The following KL variants were observed in gnomAD, a reference collection of about 807,000 sequenced individuals.
KL encodes the protein klotho.
KL carries 62 observed loss-of-function variants against 84.2 expected under a neutral mutation model. The ratio of observed to expected loss-of-function variants is 0.74; its 90% CI spans 0.60 to 0.91. The LOEUF is 0.91. Ranked by LOEUF, KL falls within the 40% of genes least tolerant of loss-of-function variation. The pLI is 0.00. For missense variants in KL, 1,261 were observed against 1,305.7 expected (o/e 0.97, Z 0.53); for synonymous variants, 528 against 528.0 (o/e 1.00, Z 0.00).
chr13:33,060,386 G>T (rs1458335595), intron 3 of KL, among the ~76,000 whole-genome samples: 1 of 152,078 alleles, frequency 6.6e-6, no homozygotes, highest in African/African-American at 2.4e-5. Flanking sequence ...CCGACAAGTA[G>T]TGTGCAAGAC....
chr13:33,059,584 C>T (rs937744196), intron 3 of KL, among the ~76,000 whole-genome samples: 4 of 151,988 alleles, frequency 2.6e-5, no homozygotes, highest in South Asian at 2.1e-4. Flanking sequence ...GTGATTCTCC[C>T]GCCTCAGCTT....
chr13:33,024,512 C>T (rs924542747), intron 1 of KL, among the ~76,000 whole-genome samples: 5 of 152,150 alleles, frequency 3.3e-5, no homozygotes, highest in South Asian at 2.1e-4. Flanking sequence ...CTCCCTGTGC[C>T]GGACCCTGTA....
At chr13:33,024,847 C>T (rs1374105891) in intron 1 of KL, among the ~76,000 whole-genome samples, 1 of 152,224 alleles carries the variant, frequency 6.6e-6, no homozygotes, top group African/African-American at 2.4e-5. Flanking sequence ...GTCTCACTCC[C>T]GACTCAACTA....
intron 1 of KL, among the ~76,000 whole-genome samples, chr13:33,024,872 T>C (rs1039453853): frequency 2.0e-5 from 3 of 152,160 alleles, no homozygotes; most frequent in Non-Finnish European, 4.4e-5. Context: ...CTCCCAGAAA[T>C]TGTCTGCAGT....
intron 1 of KL, among the ~76,000 whole-genome samples, chr13:33,032,712 T>A (rs1044613614): frequency 2.0e-5 from 3 of 152,158 alleles, no homozygotes; most frequent in African/African-American, 7.2e-5. Flanking sequence ...ACAGCCAGGT[T>A]ATATCGTAAA....
chr13:33,054,890 G>C (rs1005454109), intron 2 of KL, among the ~76,000 whole-genome samples, 157 bp from the exon 3 acceptor site: 2 of 152,228 alleles, frequency 1.3e-5, no homozygotes, highest in African/African-American at 4.8e-5. Context: ...ATATAGGTTT[G>C]ATTAGAGTCT....
At chr13:33,058,708 C>CG (rs1189008324) in intron 3 of KL, among the ~76,000 whole-genome samples, 2 of 151,796 alleles carry the variant, frequency 1.3e-5, no homozygotes, top group African/African-American at 4.8e-5. Flanking sequence ...TATTTGTTTT[C>CG]AGATGGACTG....
chr13:33,046,101 C>G (rs770258954), intron 1 of KL, among the ~76,000 whole-genome samples: 3 of 152,134 alleles, frequency 2.0e-5, no homozygotes, highest in Non-Finnish European at 4.4e-5. Context: ...TGATCTGTAA[C>G]TATTATTTTC....
At chr13:33,050,665 C>T (rs146403155) in intron 1 of KL, among the ~76,000 whole-genome samples, 17 of 152,268 alleles carry the variant, frequency 1.1e-4, no homozygotes, top group African/African-American at 1.7e-4. Context: ...TTCTTAGAGA[C>T]GGTGCCATGC....
rs73460907 is a variant in KL, at chr13:33,026,187, C to T, written c.819+8928C>T. Among the ~76,000 whole-genome samples the T allele has an allele frequency of 5.7e-3, 873 of 152,300 alleles. 12 individuals are homozygous for T. Among genetic ancestry groups the T allele is most frequent in the African/African-American group, 0.02 (814 of 41,544 alleles). ...CTCTCTAGCCTCTGTCCTTCATTCT[C>T]CCTGCCAGTGCCTTTTCCCTTGCAG... On this transcript the variant is annotated intron_variant, in intron 1 of 4. Coordinates refer to ENST00000380099, the MANE Select transcript of KL (RefSeq NM_004795.4).
intron 1 of KL, among the ~76,000 whole-genome samples, chr13:33,048,833 C>T (rs1177006594): frequency 6.6e-6 from 1 of 152,150 alleles, no homozygotes; most frequent in Non-Finnish European, 1.5e-5. Context: ...TACGTATAGG[C>T]AAATGACAGG....
At chr13:33,028,148 G>C (rs1289920502) in intron 1 of KL, among the ~76,000 whole-genome samples, 1 of 152,202 alleles carries the variant, frequency 6.6e-6, no homozygotes, top group Non-Finnish European at 1.5e-5. Flanking sequence ...GCCATGTTTA[G>C]TCATCTGGGA....
intron 2 of KL, 74 bp from the exon 3 acceptor site, chr13:33,054,973 T>G: frequency 6.3e-7 from 1 of 1,589,326 alleles, no homozygotes; most frequent in Non-Finnish European, 8.6e-7. Context: ...TAGGAAACGC[T>G]CAGCTGCTCT....
intron 1 of KL, among the ~76,000 whole-genome samples, chr13:33,052,226 C>T (rs1024447519): frequency 6.6e-6 from 1 of 152,162 alleles, no homozygotes; most frequent in Admixed American, 6.5e-5. Context: ...TTTCGGCCTC[C>T]CAAAGTGCTG....
intron 1 of KL, among the ~76,000 whole-genome samples, chr13:33,032,390 G>A (rs1871003386): frequency 6.6e-6 from 1 of 152,194 alleles, no homozygotes; most frequent in South Asian, 2.1e-4. Context: ...GCAGTCATCT[G>A]AAGCTTGAAC....
rs112127506 is a variant in KL, at chr13:33,043,363, A to C, written c.820-10404A>C. On this transcript the variant is annotated intron_variant, in intron 1 of 4. Transcript: ENST00000380099. ...GCATCCCAAGCAGCTGGGACTACAG[A>C]GGCGTGCCACCACACCCAGCTAATT... Among the ~76,000 whole-genome samples, 1,492 of 151,646 alleles carry C rather than the reference A, an allele frequency of 9.8e-3. 15 individuals carry two copies. Among genetic ancestry groups the C allele is most frequent in the African/African-American group, 0.034 (1,396 of 41,340 alleles).
Position 33,055,097 on chromosome 13 carries a change from A to G in KL, c.1381A>G (p.Met461Val), listed in dbSNP as rs1057436484. 6.2e-7 allele frequency: 1 copy of G among 1,614,048 alleles called. No homozygotes were observed. The highest frequency in any genetic ancestry group is 1.3e-5 in the African/African-American group (1 of 74,894). Residue 461 changes from methionine to valine, a missense_variant, in exon 3 of 5, where the codon ATG (methionine) becomes GTG (valine). Transcript: ENST00000380099. ...CATCGGGTATACCGCATGGTCCCTC[A>G]TGGATGGTTTCGAGTGGCACAGAGG... ...DVIGYTAWSL[M>V]DGFEWHRGYS...
intron 3 of KL, among the ~76,000 whole-genome samples, chr13:33,057,016 G>A (rs896180325): frequency 2.6e-5 from 4 of 152,182 alleles, no homozygotes; most frequent in Admixed American, 2.6e-4. Context: ...GAGGATCTGA[G>A]GTGGGAGAAG....
chr13:33,056,641 A>C (rs1472814097), intron 3 of KL, among the ~76,000 whole-genome samples: 1 of 12,634 alleles, frequency 7.9e-5, no homozygotes, highest in Non-Finnish European at 1.7e-4. Context: ...TAAAAATACA[A>C]AAAAAAAAAA....
Sources: gnomAD v4.1 joint callset for allele counts (sites outside exome capture counted in the v4.1 genomes callset) on GRCh38, gnomAD v4.1.1 for gene constraint, MANE v1.5 for transcripts, NCBI Gene and HGNC (gene_info 2026-07-23, HGNC 2026-07-21) for gene names.